The following TMEM132C variants were observed in gnomAD, a reference collection of about 807,000 sequenced individuals.
TMEM132C encodes protein phosphatase 1, regulatory subunit 152.
A neutral mutation model predicts 61.4 loss-of-function variants in TMEM132C; 29 were observed. That is an observed-to-expected ratio of 0.47 (90% CI 0.35 to 0.64). TMEM132C has a LOEUF of 0.64. Ranked by LOEUF, TMEM132C falls within the 30% of genes least tolerant of loss-of-function variation. The pLI is 0.00. For synonymous variants in TMEM132C, 656 were observed against 633.1 expected, an observed-to-expected ratio of 1.04 and a Z score of -0.54; for missense variants, 1,408 against 1,476.9, an observed-to-expected ratio of 0.95 and a Z score of 0.76.
chr12:128,566,714 C>T (rs1007952311), intron 3 of TMEM132C, among the ~76,000 whole-genome samples: 3 of 152,216 alleles, frequency 2.0e-5, no homozygotes, highest in South Asian at 4.1e-4. Flanking sequence ...TTCCCAGCTG[C>T]ACTGCCACAT....
chr12:128,702,342 A>G (rs1265286164), intron 8 of TMEM132C, among the ~76,000 whole-genome samples: 1 of 151,968 alleles, frequency 6.6e-6, no homozygotes, highest in East Asian at 1.9e-4. Flanking sequence ...AACATTTATT[A>G]TGAAATTTAT....
intron 2 of TMEM132C, among the ~76,000 whole-genome samples, chr12:128,513,793 G>T (rs1167879381): frequency 6.6e-6 from 1 of 152,188 alleles, no homozygotes; most frequent in Admixed American, 6.5e-5. Flanking sequence ...CAGACAAAGT[G>T]TCTGGCAAAG....
At chr12:128,487,483 TG>T (rs1871539765) in intron 2 of TMEM132C, among the ~76,000 whole-genome samples, 1 of 152,016 alleles carries the variant, frequency 6.6e-6, no homozygotes, top group Non-Finnish European at 1.5e-5. Context: ...CGTGTGTGTG[TG>T]TGTGTGTGTA....
At position 128,314,169 on chromosome 12, in the gene TMEM132C, G is replaced by C. The variant is rs144773695; in HGVS notation, c.85+46682G>C. 5.3e-3 allele frequency among the ~76,000 whole-genome samples: 814 copies of C among 152,298 alleles called. 4 individuals are homozygous for C. The highest frequency in any genetic ancestry group is 0.018 in the African/African-American group (767 of 41,560). On this transcript the variant is annotated intron_variant, in intron 1 of 8. Transcript: ENST00000435159. ...TTTATCTTACTCAGTGGAGAAATCT[G>C]TTACTTCAGTCACTTATTGTTGGAG... is the stretch of plus-strand genomic sequence containing the variant.
At chr12:128,527,042 C>T (rs1378076940) in intron 2 of TMEM132C, among the ~76,000 whole-genome samples, 1 of 152,198 alleles carries the variant, frequency 6.6e-6, no homozygotes, top group African/African-American at 2.4e-5. Context: ...GCCTGACTCC[C>T]TGGCAAGCTA....
Position 128,267,233 on chromosome 12 carries a change from A to G in TMEM132C, c.-170A>G, listed in dbSNP as rs965683886. Among the ~76,000 whole-genome samples the G allele has an allele frequency of 6.8e-6, 1 of 146,024 alleles. No individual in the cohort carries two copies. The highest frequency in any genetic ancestry group is 2.5e-5 in the African/African-American group (1 of 40,314). ...CCGGAGCCGCCAGAGCCAGAGCCGG[A>G]GCTGCGGCGGCGTGGACCCGGCAGG... On this transcript the variant is annotated 5_prime_UTR_variant, in exon 1 of 9. Transcript: ENST00000435159.
intron 2 of TMEM132C, among the ~76,000 whole-genome samples, chr12:128,476,697 A>C (rs1022913969): frequency 7.6e-6 from 1 of 131,250 alleles, no homozygotes; most frequent in Non-Finnish European, 1.8e-5. Context: ...CAGTACAAGC[A>C]GTCATTTAGG....
At chr12:128,686,778 G>A (rs1215530209) in intron 5 of TMEM132C, among the ~76,000 whole-genome samples, 3 of 152,158 alleles carry the variant, frequency 2.0e-5, no homozygotes, top group East Asian at 1.9e-4. Flanking sequence ...TAGAGTTTAG[G>A]TTCTCCTGAG....
At chr12:128,701,699 T>C (rs1360002818) in intron 8 of TMEM132C, among the ~76,000 whole-genome samples, 2 of 152,108 alleles carry the variant, frequency 1.3e-5, no homozygotes, top group Non-Finnish European at 2.9e-5. Context: ...CAGTTTTATT[T>C]CTTGATATGC....
chr12:128,300,364 T>C (rs1338520070), intron 1 of TMEM132C, among the ~76,000 whole-genome samples: 1 of 152,172 alleles, frequency 6.6e-6, no homozygotes, highest in Non-Finnish European at 1.5e-5. Context: ...GCCTGGGACC[T>C]TCCTGAAAAG....
At chr12:128,613,315 G>T (rs1474181205) in intron 3 of TMEM132C, among the ~76,000 whole-genome samples, 1 of 152,150 alleles carries the variant, frequency 6.6e-6, no homozygotes, top group South Asian at 2.1e-4. Flanking sequence ...ATGCAAGATT[G>T]TCTGCAGGCC....
Position 128,704,966 on chromosome 12 carries a change from G to A in TMEM132C, c.2122-124G>A, listed in dbSNP as rs1226912924. ...AAACCTGTATGATTTCTCCCCAGATGCATGAGCTACTGGGTCTGGATTTGA... is the reference window on the plus strand; with the variant it reads ...AAACCTGTATGATTTCTCCCCAGATACATGAGCTACTGGGTCTGGATTTGA... On this transcript the variant is annotated intron_variant, in intron 8 of 8. Transcript: ENST00000435159. 4 of 1,051,204 alleles carry A rather than the reference G, an allele frequency of 3.8e-6. No homozygotes were observed. In the East Asian group the frequency reaches 7.9e-5, roughly 21 times the overall value. The allele number at this position is 1,051,204 out of a possible 1,614,324, so 65.1% of individuals were successfully genotyped here. A position where few individuals can be genotyped will look rare whatever the true frequency, so the allele number is the denominator to read the frequency against.
At chr12:128,302,904 T>A (rs987087082) in intron 1 of TMEM132C, among the ~76,000 whole-genome samples, 2 of 152,214 alleles carry the variant, frequency 1.3e-5, no homozygotes, top group African/African-American at 4.8e-5. Context: ...CTTCTTCTTG[T>A]ATCAGTTTTC....
intron 1 of TMEM132C, among the ~76,000 whole-genome samples, chr12:128,299,855 A>G (rs1423584628): frequency 6.6e-6 from 1 of 152,342 alleles, no homozygotes; most frequent in African/African-American, 2.4e-5. Flanking sequence ...GTGGGTTCAC[A>G]TAACTCTAAG....
chr12:128,267,582 C>A, intron 1 of TMEM132C, 95 bp downstream of exon 1: 1 of 1,006,908 alleles, frequency 9.9e-7, no homozygotes, highest in Non-Finnish European at 1.2e-6. Context: ...AGGGGTGCGG[C>A]GGGGGCCTCG....
At chr12:128,665,380 C>T (rs1954449562) in intron 4 of TMEM132C, among the ~76,000 whole-genome samples, 1 of 150,732 alleles carries the variant, frequency 6.6e-6, no homozygotes, top group Non-Finnish European at 1.5e-5. Context: ...CAGGTGCACA[C>T]ACACACAGAC....
At position 128,705,958 on chromosome 12, in the gene TMEM132C, T is replaced by A; in HGVS notation, c.2990T>A (p.Ile997Asn). The A allele has an allele frequency of 6.4e-7, 1 of 1,551,454 alleles. No homozygotes were observed. The highest frequency in any genetic ancestry group is 8.7e-7 in the Non-Finnish European group (1 of 1,146,952). The change falls in exon 9 of 9, where the codon ATC becomes AAC. Residue 997 changes from isoleucine to asparagine, a missense_variant. Ile to Asn is a moderately radical substitution (Grantham distance 149). Transcript: ENST00000435159. ...CCGCCCCAGGACGAGCACACCACCA[T>A]CATAGACCGCGGACCGGGGGCCTGC... ...APPPQDEHTT[I>N]IDRGPGACEE...
intron 1 of TMEM132C, among the ~76,000 whole-genome samples, chr12:128,413,101 CTCCTGGCTAACATGGTGAAACTCCA>C (rs1565928514): frequency 6.6e-6 from 1 of 151,826 alleles, no homozygotes; most frequent in Non-Finnish European, 1.5e-5. Context: ...GATCTAGACC[CTCCTGGCTAACATGGTGAAACTCCA>C]TCTCTACTAA....
chr12:128,322,093 T>A (rs1047236446), intron 1 of TMEM132C, among the ~76,000 whole-genome samples: 6 of 152,228 alleles, frequency 3.9e-5, no homozygotes, highest in Non-Finnish European at 7.3e-5. Flanking sequence ...ACCTGAGATG[T>A]TTTGTGACTT....
Sources: allele counts gnomAD v4.1 joint callset (sites outside exome capture counted in the v4.1 genomes callset), GRCh38; gene constraint gnomAD v4.1.1; transcripts MANE v1.5; gene names NCBI Gene and HGNC (gene_info 2026-07-23, HGNC 2026-07-21).